Variants in MIA2 observed in about 807,000 individuals in gnomAD.
The protein encoded by MIA2 is melanoma inhibitory activity protein 2.
A neutral mutation model predicts 167.8 loss-of-function variants in MIA2; 127 were observed. That is an observed-to-expected ratio of 0.76 (90% CI 0.66 to 0.88). The LOEUF is 0.88. Among genes scored for constraint, MIA2 ranks in the 40% least tolerant of loss-of-function variants. The pLI, the probability that MIA2 is intolerant of heterozygous loss-of-function variation, is 0.00. For synonymous variants in MIA2, 552 were observed against 541.9 expected, an observed-to-expected ratio of 1.02 and a Z score of -0.26; for missense variants, 1,690 against 1,624.7, an observed-to-expected ratio of 1.04 and a Z score of -0.69.
intron 23 of MIA2, among the ~76,000 whole-genome samples, chr14:39,377,812 AAGAT>A (rs535312012): frequency 2.2e-4 from 33 of 151,598 alleles, no homozygotes; most frequent in African/African-American, 6.8e-4. Context: ...TAAGGAATCT[AAGAT>A]TTAGACTTTC....
At chr14:39,351,378 C>A (rs1263392714), downstream of MIA2, 26 of 139,826 alleles carry the variant, frequency 1.9e-4, no homozygotes, top group South Asian at 2.3e-4. Context: ...ACCCTCACCT[C>A]AAAAAAAAAA....
chr14:39,362,494 G>T (rs1043633125), intron 23 of MIA2, among the ~76,000 whole-genome samples: 5 of 152,044 alleles, frequency 3.3e-5, no homozygotes, highest in Non-Finnish European at 5.9e-5. Flanking sequence ...AATAGCCTCT[G>T]ACGATCTTTT....
In MIA2 at chr14:39,359,996, T is replaced by G. The variant is rs951826870; in HGVS notation, c.2248+11019T>G. On this transcript the variant is annotated intron_variant, in intron 23 of 23. Transcript: ENST00000341502. Reference sequence around the variant, plus strand: ...TCTCCGGATCCTCTGCAGCATGTTTTTTTTTTTTTTTTTTTGTCTTATTAA... The same window carrying G: ...TCTCCGGATCCTCTGCAGCATGTTTGTTTTTTTTTTTTTTTGTCTTATTAA... Among the ~76,000 whole-genome samples, 4 of 130,174 alleles carry G rather than the reference T, an allele frequency of 3.1e-5. No homozygotes were observed. In the East Asian group the frequency reaches 6.8e-4, roughly 22 times the overall value. 85.4% of individuals were successfully genotyped at this position (130,174 alleles called of 152,430 possible).
intron 23 of MIA2, among the ~76,000 whole-genome samples, chr14:39,381,557 A>C (rs2075161590): frequency 2.0e-5 from 3 of 152,208 alleles, no homozygotes; most frequent in Non-Finnish European, 4.4e-5. Flanking sequence ...AGAATGAACC[A>C]CACTGTGGGG....
chr14:39,371,361 G>T (rs138446819), intron 23 of MIA2, among the ~76,000 whole-genome samples: 1 of 152,174 alleles, frequency 6.6e-6, no homozygotes, highest in African/African-American at 2.4e-5. Context: ...TTGGAACCAG[G>T]TTGGTTGCAA....
chr14:39,301,521 G>A (rs969080214), intron 14 of MIA2, among the ~76,000 whole-genome samples: 15 of 152,156 alleles, frequency 9.9e-5, no homozygotes, highest in African/African-American at 3.4e-4. Context: ...GGAGGAGATC[G>A]AAGGGTGAAA....
chr14:39,313,196 C>CT lies in MIA2; in HGVS notation c.3018-135dup, dbSNP rs549292566. On this transcript the variant is annotated intron_variant, in intron 18 of 28. Coordinates refer to ENST00000640607, the MANE Select transcript of MIA2 (RefSeq NM_001329214.4). ...AACACCAGGAATATTTACACAGATA[C>CT]TTTTTTTTTCCTTGTAGGTGATGTT... 1,703 of 416,866 alleles carry CT rather than the reference C, an allele frequency of 4.1e-3. 17 individuals carry two copies. The highest frequency in any genetic ancestry group is 0.026 in the African/African-American group (1,247 of 48,338). 25.8% of individuals were successfully genotyped at this position (416,866 alleles called of 1,614,324 possible).
rs1175651539 is a variant in MIA2 at position 39,291,056 on chromosome 14, C to A, written c.2168C>A (p.Ala723Asp). The A allele has an allele frequency of 2.5e-6, 4 of 1,605,602 alleles. No individual in the cohort carries two copies. Among genetic ancestry groups the A allele is most frequent in the South Asian group, 2.2e-5 (2 of 88,944 alleles). ...GAAGTAGAGTCATCTTTAAAGGATG[C>A]CAGCTTTGAGAAGGAGGCAACAGAA... Reference protein sequence around the residue: ...GYEVESSLKDASFEKEATEAQ... With the variant: ...GYEVESSLKDDSFEKEATEAQ... The change falls in exon 10 of 29, where the codon GCC (alanine) becomes GAC (aspartate). Residue 723 changes from alanine (A) to aspartate (D), a missense_variant. By Grantham distance (126) the Ala-to-Asp change is moderately radical (BLOSUM62 -2). Transcript: ENST00000640607.
intron 25 of MIA2, among the ~76,000 whole-genome samples, chr14:39,328,184 C>A (rs540299249): frequency 2.0e-5 from 3 of 152,312 alleles, no homozygotes; most frequent in African/African-American, 7.2e-5. Flanking sequence ...GATGGTATCT[C>A]ATTGTGGTTT....
chr14:39,293,388 CT>C lies in MIA2; in HGVS notation c.2319+13del. 1 of 1,512,176 alleles carries C rather than the reference CT, an allele frequency of 6.6e-7. No individual in the cohort carries two copies. The highest frequency in any genetic ancestry group is 9.1e-7 in the Non-Finnish European group (1 of 1,099,864). 93.7% of individuals were successfully genotyped at this position (1,512,176 alleles called of 1,614,324 possible). Reference sequence around the variant, plus strand: ...TTCTGAACAAGATGAATTGGTAAGGCTTTTTTATTTGAGGAGAATATAAGAA... The same window carrying C: ...TTCTGAACAAGATGAATTGGTAAGGCTTTTTATTTGAGGAGAATATAAGAA... On this transcript the variant is annotated splice_region_variant and intron_variant, in intron 11 of 28. Transcript: ENST00000640607.
At chr14:39,234,259 C>G in intron 1 of MIA2, 30 bp downstream of exon 1, 3 of 1,407,652 alleles carry the variant, frequency 2.1e-6, no homozygotes, top group Non-Finnish European at 3.0e-6. Flanking sequence ...TTCTTCTCCT[C>G]CTAAATTGAG....
At chr14:39,302,313 T>A (rs936648978) in intron 15 of MIA2, 64 bp downstream of exon 15, 1 of 1,568,956 alleles carries the variant, frequency 6.4e-7, no homozygotes, top group Admixed American at 1.7e-5. Context: ...TTCCTTTTCG[T>A]TCCCTGTGTG....
intron 24 of MIA2, among the ~76,000 whole-genome samples, chr14:39,322,607 G>A (rs537774360): frequency 7.5e-6 from 1 of 132,534 alleles, no homozygotes; most frequent in East Asian, 2.1e-4. Context: ...CCCCCTTATA[G>A]GTACCTCAGG....
intron 23 of MIA2, among the ~76,000 whole-genome samples, chr14:39,372,331 T>C (rs747271279): frequency 2.0e-5 from 3 of 152,196 alleles, no homozygotes; most frequent in Admixed American, 6.5e-5. Flanking sequence ...AGGATAAATA[T>C]GAAGTCTCAT....
chr14:39,245,439 G>A (rs1225388964), intron 3 of MIA2, among the ~76,000 whole-genome samples: 6 of 151,960 alleles, frequency 3.9e-5, no homozygotes, highest in African/African-American at 1.5e-4. Context: ...ATGAATTTTT[G>A]TTGGGCCACA....
At chr14:39,314,242 T>A (rs1368362432) in intron 19 of MIA2, among the ~76,000 whole-genome samples, 1 of 151,770 alleles carries the variant, frequency 6.6e-6, no homozygotes, top group Non-Finnish European at 1.5e-5. Flanking sequence ...AAAAAATTAG[T>A]TGGTCGTGGT....
chr14:39,323,247 C>G (rs183109206), intron 24 of MIA2, among the ~76,000 whole-genome samples: 10 of 152,210 alleles, frequency 6.6e-5, no homozygotes, highest in Middle Eastern at 3.4e-3. Flanking sequence ...CCAGTCCCCC[C>G]AGTAGATTGG....
chr14:39,237,361 A>T (rs1330772163), intron 2 of MIA2: 2 of 335,848 alleles, frequency 6.0e-6, no homozygotes, highest in Non-Finnish European at 1.2e-5. Context: ...CCCCTGAGCT[A>T]AAGTAATCTG....
intron 6 of MIA2, among the ~76,000 whole-genome samples, chr14:39,254,765 C>A (rs1269473067): frequency 6.6e-6 from 1 of 152,178 alleles, no homozygotes; most frequent in African/African-American, 2.4e-5. Flanking sequence ...AAACACCATG[C>A]AGTTCAGAAA....
Sources: allele counts gnomAD v4.1 joint callset (sites outside exome capture counted in the v4.1 genomes callset), GRCh38; gene constraint gnomAD v4.1.1; transcripts MANE v1.5; gene names NCBI Gene and HGNC (gene_info 2026-07-23, HGNC 2026-07-21).